The following CFAP58 variants were observed in gnomAD, a reference collection of about 807,000 sequenced individuals.
CFAP58 encodes cilia and flagella associated protein 58.
Under a neutral mutation model 119.5 loss-of-function variants are expected in CFAP58, and 88 were observed. The ratio of observed to expected loss-of-function variants is 0.74; its 90% CI spans 0.62 to 0.88. The LOEUF is 0.88. Ranked by LOEUF, CFAP58 falls within the 40% of genes least tolerant of loss-of-function variation. CFAP58 has a pLI of 0.00. For missense variants in CFAP58, 990 were observed against 1,021.2 expected (o/e 0.97, Z 0.42); for synonymous variants, 365 against 366.3 (o/e 1.00, Z 0.04).
At chr10:104,409,101 TAA>T (rs10716203) in intron 15 of CFAP58, among the ~76,000 whole-genome samples, 13 of 150,990 alleles carry the variant, frequency 8.6e-5, no homozygotes, top group East Asian at 1.9e-4. Flanking sequence ...CCCCGTCTCA[TAA>T]AAAAAAAAAT....
intron 1 of CFAP58, among the ~76,000 whole-genome samples, chr10:104,357,968 C>CAT (rs1320490810): frequency 9.6e-6 from 1 of 104,604 alleles, no homozygotes; most frequent in Non-Finnish European, 1.8e-5. Context: ...CATATATGTA[C>CAT]ACATATGTAC....
intron 5 of CFAP58, among the ~76,000 whole-genome samples, chr10:104,367,481 A>G (rs933766873): frequency 4.6e-5 from 7 of 152,210 alleles, no homozygotes; most frequent in Admixed American, 1.3e-4. Context: ...GTCAGAAGTC[A>G]AATAGATAAT....
At chr10:104,358,236 T>C (rs2014620531) in intron 1 of CFAP58, 105 bp from the exon 2 acceptor site, 5 of 1,162,516 alleles carry the variant, frequency 4.3e-6, no homozygotes, top group African/African-American at 1.6e-5. Context: ...GGTTTTAATT[T>C]TGCTCATATG....
chr10:104,442,838 G>A (rs943289072), intron 15 of CFAP58, among the ~76,000 whole-genome samples: 15 of 152,162 alleles, frequency 9.9e-5, no homozygotes, highest in East Asian at 1.9e-4. Flanking sequence ...AATATTGCTC[G>A]AAGTGATGGA....
At chr10:104,438,964 T>C (rs1465415177) in intron 15 of CFAP58, among the ~76,000 whole-genome samples, 4 of 152,284 alleles carry the variant, frequency 2.6e-5, no homozygotes, top group South Asian at 4.1e-4. Context: ...AGATTTATGG[T>C]TCAATAAATC....
At position 104,431,571 on chromosome 10, in the gene CFAP58, A is replaced by G. The variant is rs1370472254; in HGVS notation, c.2257-16127A>G. On this transcript the variant is annotated intron_variant, in intron 15 of 17. Coordinates refer to ENST00000369704, the MANE Select transcript of CFAP58 (RefSeq NM_001008723.2). Reference sequence around the variant, plus strand: ...GTATAATAGAACACAACCAGTCTCTATTCACCCAAAATAGTAAATATTAAT... The same window carrying G: ...GTATAATAGAACACAACCAGTCTCTGTTCACCCAAAATAGTAAATATTAAT... Among the ~76,000 whole-genome samples, 5 of 152,294 alleles carry G rather than the reference A, an allele frequency of 3.3e-5. No homozygotes were observed. In the East Asian group the frequency reaches 9.6e-4, roughly 29 times the overall value.
the CFAP58 span, among the ~76,000 whole-genome samples, chr10:104,344,817 AGGTCTTGCAGCAGGTATTG>A: frequency 6.6e-6 from 1 of 152,100 alleles, no homozygotes; most frequent in Non-Finnish European, 1.5e-5. Context: ...ATCATCCAGT[AGGTCTTGCAGCAGGTATTG>A]GCAAGAAAGC....
intron 15 of CFAP58, among the ~76,000 whole-genome samples, chr10:104,441,858 A>G (rs2013041467): frequency 1.3e-5 from 2 of 152,196 alleles, no homozygotes; most frequent in African/African-American, 4.8e-5. Flanking sequence ...GACATCATAA[A>G]CAAGATAGGC....
intron 9 of CFAP58, among the ~76,000 whole-genome samples, chr10:104,384,888 G>T (rs1055180664): frequency 6.6e-6 from 1 of 152,168 alleles, no homozygotes; most frequent in African/African-American, 2.4e-5. Context: ...GGAGTAGATA[G>T]GGAAGAATGG....
chr10:104,429,829 T>A (rs563458514), intron 15 of CFAP58, among the ~76,000 whole-genome samples: 2 of 152,166 alleles, frequency 1.3e-5, no homozygotes, highest in Non-Finnish European at 2.9e-5. Flanking sequence ...CATTTGAGGC[T>A]CCAGGCCTTG....
intron 17 of CFAP58, among the ~76,000 whole-genome samples, 193 bp from the exon 18 acceptor site, chr10:104,454,229 G>T (rs2013240837): frequency 6.6e-6 from 1 of 152,062 alleles, no homozygotes; most frequent in Admixed American, 6.6e-5. Context: ...AGCATATTTT[G>T]CATTTAATTG....
chr10:104,375,182 A>C (rs1022912776), intron 7 of CFAP58, among the ~76,000 whole-genome samples: 2 of 150,948 alleles, frequency 1.3e-5, no homozygotes, highest in East Asian at 3.9e-4. Context: ...AGTGTGTACT[A>C]TATACTTAGT....
At chr10:104,400,092 G>T (rs1048482193) in intron 12 of CFAP58, among the ~76,000 whole-genome samples, 1 of 152,096 alleles carries the variant, frequency 6.6e-6, no homozygotes, top group African/African-American at 2.4e-5. Context: ...AATATAATGG[G>T]TTTGGAAATA....
At chr10:104,393,040 T>A (rs753099625) in intron 10 of CFAP58, among the ~76,000 whole-genome samples, 38 of 152,236 alleles carry the variant, frequency 2.5e-4, no homozygotes, top group Non-Finnish European at 3.8e-4. Context: ...TTTAGTTATA[T>A]GTTTGTTGTG....
chr10:104,366,211 C>G (rs1232571486), intron 5 of CFAP58, among the ~76,000 whole-genome samples: 1 of 152,100 alleles, frequency 6.6e-6, no homozygotes, highest in Admixed American at 6.6e-5. Flanking sequence ...AATTTCCCAG[C>G]TCTAACAGGT....
intron 15 of CFAP58, among the ~76,000 whole-genome samples, chr10:104,437,086 T>C (rs1330602090): frequency 3.3e-5 from 5 of 152,226 alleles, no homozygotes; most frequent in Non-Finnish European, 1.5e-5. Flanking sequence ...TCTAACACTT[T>C]CTAGTTGTTT....
At chr10:104,425,544 C>A (rs934591931) in intron 15 of CFAP58, among the ~76,000 whole-genome samples, 1 of 152,202 alleles carries the variant, frequency 6.6e-6, no homozygotes, top group African/African-American at 2.4e-5. Context: ...TACCATGTGT[C>A]CAATCCTTTA....
In CFAP58 at chr10:104,370,936, G is replaced by A; in HGVS notation, c.972G>A (p.Gly324=). The A allele has an allele frequency of 1.9e-6, 3 of 1,613,416 alleles. No homozygotes were observed. Among genetic ancestry groups the A allele is most frequent in the Non-Finnish European group, 2.5e-6 (3 of 1,179,850 alleles). ...EEVHQMRLDI[G]KLNKIREQIH... ...TCCATCAAATGCGCCTTGACATCGG[G>A]AAGCTCAACAAAATCAGAGAACAAA... The change falls in exon 7 of 18, where the codon GGG becomes GGA. Residue 324 remains glycine, a synonymous_variant. Coordinates refer to ENST00000369704, the MANE Select transcript of CFAP58 (RefSeq NM_001008723.2).
intron 15 of CFAP58, among the ~76,000 whole-genome samples, chr10:104,436,054 G>A (rs983234622): frequency 6.6e-6 from 1 of 152,044 alleles, no homozygotes; most frequent in East Asian, 1.9e-4. Flanking sequence ...ATATGCTCTT[G>A]CATCTGCTTC....
Sources: allele counts gnomAD v4.1 joint callset (sites outside exome capture counted in the v4.1 genomes callset), GRCh38; gene constraint gnomAD v4.1.1; transcripts MANE v1.5; gene names NCBI Gene and HGNC (gene_info 2026-07-23, HGNC 2026-07-21).